CDYL: variants seen among roughly 807,000 people sequenced by gnomAD.
CDYL encodes chromodomain Y-like protein.
Under a neutral mutation model 47.3 loss-of-function variants are expected in CDYL, and 8 were observed. That is an observed-to-expected ratio of 0.17 (90% CI 0.10 to 0.31). The LOEUF is 0.31. Among genes scored for constraint, CDYL ranks in the 10% least tolerant of loss-of-function variants. The pLI, the probability that CDYL is intolerant of heterozygous loss-of-function variation, is 1.00. For synonymous variants in CDYL, 266 were observed against 265.0 expected (o/e 1.00, Z -0.04); for missense variants, 471 against 701.4 (o/e 0.67, Z 3.71).
At position 4,950,470 on chromosome 6, in the gene CDYL, C is replaced by G. The variant is rs1323758089; in HGVS notation, c.1333-1796C>G. ...CACAGAGCACTTCGTGCGGCAGCAG[C>G]ACACCGGGAGTCCCACTCCCTTTCC... On this transcript the variant is annotated intron_variant, in intron 5 of 6. Coordinates refer to ENST00000397588, the MANE Select transcript of CDYL (RefSeq NM_004824.4). 4.6e-5 allele frequency among the ~76,000 whole-genome samples: 7 copies of G among 152,352 alleles called. 1 individual carries two copies. Among genetic ancestry groups the G allele is most frequent in the Middle Eastern group, 3.4e-3 (1 of 294 alleles).
intron 1 of CDYL, among the ~76,000 whole-genome samples, chr6:4,834,657 C>T (rs1218332686): frequency 6.6e-6 from 1 of 152,032 alleles, no homozygotes; most frequent in South Asian, 2.1e-4. Flanking sequence ...TGGATAATAT[C>T]CTGCAGAGTG....
chr6:4,765,941 A>C (rs1164961624), intron 3 of CDYL, among the ~76,000 whole-genome samples: 1 of 152,186 alleles, frequency 6.6e-6, no homozygotes, highest in East Asian at 1.9e-4. Flanking sequence ...GTGTAATTAA[A>C]TAGAGTAGAC....
At chr6:4,903,611 T>C (rs1346538950) in intron 2 of CDYL, among the ~76,000 whole-genome samples, 1 of 152,156 alleles carries the variant, frequency 6.6e-6, no homozygotes, top group Non-Finnish European at 1.5e-5. Flanking sequence ...AGGAGACAGC[T>C]TCTGTGTCCT....
chr6:4,736,970 G>C (rs1757714928), intron 3 of CDYL, among the ~76,000 whole-genome samples: 1 of 152,130 alleles, frequency 6.6e-6, no homozygotes, highest in Admixed American at 6.6e-5. Flanking sequence ...GTCTGTTACT[G>C]TGACTCCTGT....
intron 1 of CDYL, among the ~76,000 whole-genome samples, chr6:4,835,657 T>C (rs1442321736): frequency 6.6e-6 from 1 of 152,238 alleles, no homozygotes; most frequent in African/African-American, 2.4e-5. Flanking sequence ...TTTTTGTTTG[T>C]CTGTGCCCTG....
At chr6:4,814,871 A>G (rs1759626817) in intron 1 of CDYL, among the ~76,000 whole-genome samples, 1 of 152,198 alleles carries the variant, frequency 6.6e-6, no homozygotes, top group Admixed American at 6.5e-5. Flanking sequence ...TGTGGGATTC[A>G]TGTCAGCTTG....
At chr6:4,765,584 TAC>T (rs1253472254) in intron 3 of CDYL, among the ~76,000 whole-genome samples, 2 of 151,224 alleles carry the variant, frequency 1.3e-5, no homozygotes, top group Non-Finnish European at 3.0e-5. Flanking sequence ...TTTTTTTTGA[TAC>T]AGAGTCTTGC....
intron 3 of CDYL, among the ~76,000 whole-genome samples, chr6:4,740,872 C>T (rs971453481): frequency 6.6e-6 from 1 of 151,834 alleles, no homozygotes; most frequent in African/African-American, 2.4e-5. Context: ...CTGCAACCTC[C>T]GCCTCCTGGG....
chr6:4,850,552 G>C (rs56298578), intron 1 of CDYL, among the ~76,000 whole-genome samples: 1 of 152,190 alleles, frequency 6.6e-6, no homozygotes, highest in Non-Finnish European at 1.5e-5. Flanking sequence ...TATTCATAGA[G>C]TTCTTTTCCT....
intron 1 of CDYL, among the ~76,000 whole-genome samples, chr6:4,783,416 A>AGT (rs1387500535): frequency 5.6e-4 from 76 of 134,588 alleles, no homozygotes; most frequent in African/African-American, 2.3e-3. Flanking sequence ...TATTCTTGAG[A>AGT]CTTTTTTTTT....
chr6:4,933,022 C>T (rs1758076682), intron 2 of CDYL, among the ~76,000 whole-genome samples: 1 of 152,224 alleles, frequency 6.6e-6, no homozygotes, highest in African/African-American at 2.4e-5. Context: ...ACCTCTGTAA[C>T]ACCTGCCCCT....
intron 2 of CDYL, among the ~76,000 whole-genome samples, chr6:4,921,437 CAT>C (rs1757714427): frequency 6.6e-6 from 1 of 152,186 alleles, no homozygotes; most frequent in African/African-American, 2.4e-5. Context: ...AACAAGAAGA[CAT>C]ATTGGGGAGT....
At chr6:4,900,803 A>ATG (rs1561697588) in intron 2 of CDYL, among the ~76,000 whole-genome samples, 1 of 77,738 alleles carries the variant, frequency 1.3e-5, no homozygotes, top group African/African-American at 5.8e-5. Context: ...ATATATATAT[A>ATG]TATATATATA....
At chr6:4,733,316 A>G (rs1265595707) in intron 2 of CDYL, 2 of 152,144 alleles carry the variant, frequency 1.3e-5, no homozygotes, top group Non-Finnish European at 2.9e-5. Context: ...GGTAAAAGCC[A>G]TGTCCCTGTT....
chr6:4,895,225 A>G (rs1468940815), intron 2 of CDYL, among the ~76,000 whole-genome samples: 1 of 12,212 alleles, frequency 8.2e-5, no homozygotes, highest in African/African-American at 8.5e-5. Context: ...ATATGTGTAT[A>G]GATACATATA....
intron 3 of CDYL, among the ~76,000 whole-genome samples, chr6:4,738,629 C>T (rs1171123248): frequency 6.6e-6 from 1 of 152,168 alleles, no homozygotes; most frequent in Non-Finnish European, 1.5e-5. Context: ...TTGGCATTAT[C>T]CAGCAAAGTG....
chr6:4,729,535 A>C (rs1256089685), intron 2 of CDYL, among the ~76,000 whole-genome samples: 1 of 152,210 alleles, frequency 6.6e-6, no homozygotes, highest in Non-Finnish European at 1.5e-5. Context: ...AGAAGTCCTC[A>C]CATGCTCACA....
chr6:4,907,447 C>T (rs1458269875), intron 2 of CDYL, among the ~76,000 whole-genome samples: 2 of 152,158 alleles, frequency 1.3e-5, no homozygotes, highest in Non-Finnish European at 2.9e-5. Flanking sequence ...TGCCGTCTCC[C>T]CCTCCCAGGC....
chr6:4,885,896 A>G (rs1490770235), intron 1 of CDYL, among the ~76,000 whole-genome samples: 3 of 152,088 alleles, frequency 2.0e-5, no homozygotes, highest in Non-Finnish European at 4.4e-5. Context: ...ATTAGCTATC[A>G]TCTTCCTATT....
Sources: gnomAD v4.1 joint callset for allele counts (sites outside exome capture counted in the v4.1 genomes callset) on GRCh38, gnomAD v4.1.1 for gene constraint, MANE v1.5 for transcripts, NCBI Gene and HGNC (gene_info 2026-07-23, HGNC 2026-07-21) for gene names.